The following ISOC1 variants were observed in gnomAD, a reference collection of about 807,000 sequenced individuals.
ISOC1 encodes isochorismatase domain-containing protein 1.
Under a neutral mutation model 30.0 loss-of-function variants are expected in ISOC1, and 33 were observed. That is an observed-to-expected ratio of 1.10 (90% CI 0.83 to 1.47). ISOC1 has a LOEUF of 1.47. ISOC1 is among the 40% of genes most tolerant of loss of function. ISOC1 has a pLI of 0.00. For missense variants in ISOC1, 372 were observed against 388.0 expected (o/e 0.96, Z 0.35); for synonymous variants, 178 against 159.8 (o/e 1.11, Z -0.86).
At chr5:129,106,587 A>G (rs1753640476) in intron 3 of ISOC1, among the ~76,000 whole-genome samples, 1 of 152,212 alleles carries the variant, frequency 6.6e-6, no homozygotes, top group Non-Finnish European at 1.5e-5. Context: ...GTGAATGAAG[A>G]AAAAAACTCA....
chr5:129,104,864 A>G (rs999203044), intron 1 of ISOC1, 92 bp from the exon 2 acceptor site: 5 of 1,315,256 alleles, frequency 3.8e-6, no homozygotes, highest in Middle Eastern at 1.9e-4. Flanking sequence ...GGCTCAAACA[A>G]TAGGACCATT....
chr5:129,100,511 T>C (rs777892050), intron 1 of ISOC1, among the ~76,000 whole-genome samples: 2 of 152,196 alleles, frequency 1.3e-5, no homozygotes, highest in Non-Finnish European at 2.9e-5. Context: ...TATATTTATA[T>C]GTGATTTGTT....
chr5:129,110,527 T>C (rs563556115), intron 4 of ISOC1, among the ~76,000 whole-genome samples: 3 of 152,340 alleles, frequency 2.0e-5, no homozygotes, highest in East Asian at 3.9e-4. Context: ...GGTTCCTGGC[T>C]AGATGATTTT....
At chr5:129,107,202 G>T in intron 4 of ISOC1, 140 bp downstream of exon 4, 1 of 642,210 alleles carries the variant, frequency 1.6e-6, no homozygotes, top group Admixed American at 2.2e-5. Flanking sequence ...GATTTCAACT[G>T]TGCACTGACT....
chr5:129,103,341 A>G (rs1753593722), intron 1 of ISOC1, among the ~76,000 whole-genome samples: 1 of 152,210 alleles, frequency 6.6e-6, no homozygotes, highest in Admixed American at 6.5e-5. Flanking sequence ...GAGGCATAAT[A>G]CTTGCATTTA....
intron 1 of ISOC1, among the ~76,000 whole-genome samples, chr5:129,103,702 T>A (rs1753598294): frequency 6.6e-6 from 1 of 152,178 alleles, no homozygotes; most frequent in African/African-American, 2.4e-5. Context: ...GCAGAGATAC[T>A]AAGGAGAGTC....
intron 4 of ISOC1, among the ~76,000 whole-genome samples, chr5:129,108,301 A>G (rs1193569066): frequency 6.6e-6 from 1 of 152,216 alleles, no homozygotes; most frequent in Non-Finnish European, 1.5e-5. Flanking sequence ...GGAAGCAGGC[A>G]GGTAGCTGGC....
Position 129,094,932 on chromosome 5 carries a change from A to G in ISOC1, c.166A>G (p.Ser56Gly). 6.2e-7 allele frequency: 1 copy of G among 1,612,390 alleles called. No homozygotes were observed. Among genetic ancestry groups the G allele is most frequent in the Non-Finnish European group, 8.5e-7 (1 of 1,179,828 alleles). ...GYELLIQKFL[S>G]LYGDQIDMHR... ...CGAGCTGCTCATCCAGAAGTTCCTC[A>G]GCCTGTACGGCGACCAGATCGACAT... The change falls in exon 1 of 5, where the codon AGC becomes GGC. Residue 56 changes from serine (S) to glycine (G), a missense_variant. Transcript: ENST00000173527.
intron 1 of ISOC1, among the ~76,000 whole-genome samples, chr5:129,100,862 G>C (rs994828295): frequency 4.6e-5 from 7 of 151,292 alleles, no homozygotes; most frequent in Admixed American, 4.0e-4. Context: ...CTTTCTGTTT[G>C]TAAGGTATAG....
chr5:129,094,795 C>A lies in ISOC1; in HGVS notation c.29C>A (p.Ala10Glu), dbSNP rs1426571721. The A allele has an allele frequency of 3.9e-6, 6 of 1,523,082 alleles. No individual in the cohort carries two copies. The highest frequency in any genetic ancestry group is 4.1e-5 in the Admixed American group (2 of 49,306). 94.3% of individuals were successfully genotyped at this position (1,523,082 alleles called of 1,614,324 possible). The change falls in exon 1 of 5, where the codon GCG (alanine) becomes GAG (glutamate). Residue 10 changes from alanine (A) to glutamate (E), a missense_variant. Transcript: ENST00000173527. MAAAEPAVL[A>E]LPNSGAGGAG... ...GCGGCTGCGGAGCCGGCGGTCCTTG[C>A]GCTCCCCAACAGCGGCGCCGGGGGC...
chr5:129,098,610 T>C (rs1753536023), intron 1 of ISOC1, among the ~76,000 whole-genome samples: 2 of 152,178 alleles, frequency 1.3e-5, no homozygotes. Flanking sequence ...AGACAGAGCC[T>C]GCAGAGAAGA....
At position 129,112,284 on chromosome 5, in the gene ISOC1, T is replaced by C. The variant is rs376573821; in HGVS notation, c.751-571T>C. Among the ~76,000 whole-genome samples, 6 of 152,232 alleles carry C rather than the reference T, an allele frequency of 3.9e-5. No homozygotes were observed. In the East Asian group the frequency reaches 9.7e-4, roughly 24 times the overall value. ...ATGCCAGGGGTGCCAGGCATAAGTA[T>C]TAATATGCATCACGATCTCATGTAT... On this transcript the variant is annotated intron_variant, in intron 4 of 4. Coordinates refer to ENST00000173527, the MANE Select transcript of ISOC1 (RefSeq NM_016048.2).
intron 1 of ISOC1, among the ~76,000 whole-genome samples, chr5:129,101,609 T>G (rs1753573344): frequency 6.6e-6 from 1 of 152,176 alleles, no homozygotes; most frequent in Admixed American, 6.5e-5. Flanking sequence ...ATTACCAGCA[T>G]GAGCCACCAT....
At chr5:129,101,848 G>C (rs1249923669) in intron 1 of ISOC1, among the ~76,000 whole-genome samples, 1 of 152,092 alleles carries the variant, frequency 6.6e-6, no homozygotes, top group Non-Finnish European at 1.5e-5. Flanking sequence ...TCTCAACTTT[G>C]TTTTTAATGA....
At chr5:129,111,079 A>G (rs1207467734) in intron 4 of ISOC1, among the ~76,000 whole-genome samples, 1 of 152,116 alleles carries the variant, frequency 6.6e-6, no homozygotes, top group Non-Finnish European at 1.5e-5. Context: ...TTCTGTCTGA[A>G]GCAAGCACAC....
In ISOC1 at chr5:129,105,220, T is replaced by C; in HGVS notation, c.465T>C (p.Ile155=). The change falls in exon 3 of 5, where the codon ATT becomes ATC. Residue 155 remains isoleucine, a synonymous_variant. Transcript: ENST00000173527. The part of the protein sequence containing the change: ...QGARILGIPV[I]VTEQYPKGLG... ...CCCGGATTTTAGGAATTCCTGTTAT[T>C]GTAACAGAACAATACCCTAAAGGTC... The C allele has an allele frequency of 1.2e-6, 2 of 1,613,872 alleles. No individual in the cohort carries two copies. The highest frequency in any genetic ancestry group is 1.7e-6 in the Non-Finnish European group (2 of 1,179,842).
chr5:129,107,091 T>G (rs1753647784), intron 4 of ISOC1, 29 bp downstream of exon 4: 2 of 1,531,924 alleles, frequency 1.3e-6, no homozygotes, highest in Non-Finnish European at 1.8e-6. Flanking sequence ...AATAGATCAT[T>G]TGTCAAGTTT....
At chr5:129,108,008 A>G (rs753437535) in intron 4 of ISOC1, among the ~76,000 whole-genome samples, 7 of 152,140 alleles carry the variant, frequency 4.6e-5, no homozygotes, top group Non-Finnish European at 7.4e-5. Context: ...TCTCTCTCAT[A>G]TTTAGTTCTA....
intron 4 of ISOC1, among the ~76,000 whole-genome samples, chr5:129,111,894 A>G (rs1299650711): frequency 2.0e-5 from 3 of 152,036 alleles, no homozygotes; most frequent in Admixed American, 6.6e-5. Flanking sequence ...CTTGAATTTT[A>G]CACTCTTGTT....
Sources: allele counts gnomAD v4.1 joint callset (sites outside exome capture counted in the v4.1 genomes callset), GRCh38; gene constraint gnomAD v4.1.1; transcripts MANE v1.5; gene names NCBI Gene and HGNC (gene_info 2026-07-23, HGNC 2026-07-21).